ZNF835: variants seen among roughly 807,000 people sequenced by gnomAD.
ZNF835 encodes zinc finger protein 835.
For synonymous variants in ZNF835, 323 were observed against 324.7 expected, an observed-to-expected ratio of 0.99 and a Z score of 0.06; for missense variants, 783 against 758.4, an observed-to-expected ratio of 1.03 and a Z score of -0.38.
Position 56,662,472 on chromosome 19 carries a change from T to C in ZNF835, c.*1113A>G, listed in dbSNP as rs2045193517. 1 of 152,180 alleles carries C rather than the reference T, an allele frequency of 6.6e-6. No individual in the cohort carries two copies. The highest frequency in any genetic ancestry group is 2.4e-5 in the African/African-American group (1 of 41,452). The allele number at this position is 152,180 out of a possible 1,614,324, so 9.4% of individuals were successfully genotyped here. A position where few individuals can be genotyped will look rare whatever the true frequency, so the allele number is the denominator to read the frequency against. The stretch of plus-strand genomic sequence containing the variant: ...GTGGAGATGGGTAGGTGTTTCCTCA[T>C]ACTGAAAAAAAGACTAGGCCCACTC... On this transcript the variant is annotated 3_prime_UTR_variant, in exon 2 of 2. Coordinates refer to ENST00000537055, the MANE Select transcript of ZNF835 (RefSeq NM_001005850.3).
At chr19:56,669,505 ATC>A (rs1212523426) in intron 1 of ZNF835, among the ~76,000 whole-genome samples, 6 of 152,008 alleles carry the variant, frequency 3.9e-5, no homozygotes, top group Non-Finnish European at 8.8e-5. Context: ...CTAGGGGCCT[ATC>A]AGGAGTCCTC....
chr19:56,664,944 C>T lies in ZNF835; in HGVS notation c.255G>A (p.Ala85=), dbSNP rs540555421. ...GCCTCTCCTTCGGGCTCTCCCCAGG[C>T]GCGCTGCACCTCCGGGAACTGCTGT... ...PDDSSSRRCS[A]PGESPKERHP... Residue 85 remains alanine (A), a synonymous_variant, in exon 2 of 2, where the codon GCG becomes GCA. Transcript: ENST00000537055. 1.2e-6 allele frequency: 2 copies of T among 1,614,046 alleles called. No individual in the cohort carries two copies. The highest frequency in any genetic ancestry group is 2.2e-5 in the East Asian group (1 of 44,882).
chr19:56,664,794 C>T lies in ZNF835; in HGVS notation c.405G>A (p.Glu135=). 2.5e-6 allele frequency: 4 copies of T among 1,611,254 alleles called. No homozygotes were observed. Among genetic ancestry groups the T allele is most frequent in the Non-Finnish European group, 3.4e-6 (4 of 1,177,740 alleles). Residue 135 remains glutamate (E), a synonymous_variant, in exon 2 of 2, where the codon GAG becomes GAA. Coordinates refer to ENST00000537055, the MANE Select transcript of ZNF835 (RefSeq NM_001005850.3). ...FILHQRIHTG[E]KPFACPECGK... is the part of the protein sequence containing the mutation. ...CGCACTCGGGGCACGCAAATGGCTT[C>T]TCCCCGGTGTGGATTCTCTGGTGTA...
chr19:56,664,993 G>A lies in ZNF835; in HGVS notation c.206C>T (p.Ala69Val). 5 of 1,614,046 alleles carry A rather than the reference G, an allele frequency of 3.1e-6. No individual in the cohort carries two copies. Among genetic ancestry groups the A allele is most frequent in the Admixed American group, 1.7e-5 (1 of 60,034 alleles). Residue 69 changes from alanine (A) to valine (V), a missense_variant, in exon 2 of 2, where the codon GCT becomes GTT. By Grantham distance (64) the Ala-to-Val change is moderately conservative. Transcript: ENST00000537055. ...RIPRTISSPA[A>V]TQASVPDDSS... ...GTCGTCGGGGACACTGGCTTGGGTA[G>A]CAGCAGGGCTCGATATGGTTCTTGG...
rs2045205034 is a variant in ZNF835, at chr19:56,663,624, C to A, written c.1575G>T (p.Gly525=). The change falls in exon 2 of 2, where the codon GGG becomes GGT. Residue 525 remains glycine (G), a synonymous_variant. Transcript: ENST00000537055. ...GTCCACGCGGGTTTCTGCCAGGGCACCCCTGTTGACAGGTTTCTCCTCCCT... is the reference window on the plus strand; with the variant it reads ...GTCCACGCGGGTTTCTGCCAGGGCAACCCTGTTGACAGGTTTCTCCTCCCT... ...LSQGGETCQQ[G]CPGRNPRGPA... 1 of 1,614,044 alleles carries A rather than the reference C, an allele frequency of 6.2e-7. No homozygotes were observed. Among genetic ancestry groups the A allele is most frequent in the Non-Finnish European group, 8.5e-7 (1 of 1,179,902 alleles).
intron 1 of ZNF835, 80 bp from the exon 2 acceptor site, chr19:56,665,325 T>G: frequency 7.6e-7 from 1 of 1,315,134 alleles, no homozygotes; most frequent in Non-Finnish European, 1.1e-6. Flanking sequence ...GCTGAACTGG[T>G]AAGAACTTAG....
In ZNF835 at chr19:56,664,872, C is replaced by T. The variant is rs777689580; in HGVS notation, c.327G>A (p.Pro109=). The T allele has an allele frequency of 3.6e-5, 58 of 1,613,914 alleles. No individual in the cohort carries two copies. In the East Asian group the frequency reaches 1.2e-3, roughly 35 times the overall value. The change falls in exon 2 of 2, where the codon CCG becomes CCA. Residue 109 remains proline, a synonymous_variant. Transcript: ENST00000537055. Reference sequence around the variant, plus strand: ...CCTTCCCGCAGTCCCCGCATTTCCACGGCTTCTTGGGGCCTCCACCTCTCT... The same window carrying T: ...CCTTCCCGCAGTCCCCGCATTTCCATGGCTTCTTGGGGCCTCCACCTCTCT... The part of the protein sequence containing the change: ...QRERGGGPKK[P]WKCGDCGKAF...
intron 1 of ZNF835, among the ~76,000 whole-genome samples, chr19:56,666,827 T>C (rs558220733): frequency 6.6e-6 from 1 of 152,296 alleles, no homozygotes; most frequent in South Asian, 2.1e-4. Context: ...CCTCTCTGCG[T>C]GTGAGGACAC....
At chr19:56,670,137 G>A (rs923668981) in intron 1 of ZNF835, among the ~76,000 whole-genome samples, 5 of 150,646 alleles carry the variant, frequency 3.3e-5, no homozygotes, top group Non-Finnish European at 5.9e-5. Flanking sequence ...AAATGTACTT[G>A]GGGGCCTATC....
At position 56,664,518 on chromosome 19, in the gene ZNF835, G is replaced by T; in HGVS notation, c.681C>A (p.Cys227Ter). The change falls in exon 2 of 2, where the codon TGC becomes TGA. Residue 227 changes from cysteine to a stop codon, truncating the protein, a stop_gained. Transcript: ENST00000537055. LOFTEE classifies it low-confidence loss of function (END_TRUNC). ...ACGAGCGGTTGCGGAACGCCTTGGC[G>T]CACTGGGCGCACGCGTAGGGCCGCT... ...TGERPYACAQ[C>*]AKAFRNRSSL... 3 of 1,611,320 alleles carry T rather than the reference G, an allele frequency of 1.9e-6. No homozygotes were observed. The highest frequency in any genetic ancestry group is 1.7e-6 in the Non-Finnish European group (2 of 1,178,712).
At position 56,664,190 on chromosome 19, in the gene ZNF835, C is replaced by G. The variant is rs376862106; in HGVS notation, c.1009G>C (p.Gly337Arg). 1.9e-6 allele frequency: 3 copies of G among 1,602,202 alleles called. No individual in the cohort carries two copies. Among genetic ancestry groups the G allele is most frequent in the Non-Finnish European group, 2.6e-6 (3 of 1,172,160 alleles). The change falls in exon 2 of 2, where the codon GGC becomes CGC. Residue 337 changes from glycine (G) to arginine (R), a missense_variant. By Grantham distance (125) the Gly-to-Arg change is moderately radical (BLOSUM62 -2). Transcript: ENST00000537055. Reference sequence around the variant, plus strand: ...TGGGTGAAGGCCTTGGCGCACTGGCCGCACGCGTAGGGCTTCTCGCCTGTG... The same window carrying G: ...TGGGTGAAGGCCTTGGCGCACTGGCGGCACGCGTAGGGCTTCTCGCCTGTG... ...IHTGEKPYAC[G>R]QCAKAFTQVS...
At chr19:56,667,974 C>CT (rs767163861) in intron 1 of ZNF835, among the ~76,000 whole-genome samples, 7 of 152,190 alleles carry the variant, frequency 4.6e-5, no homozygotes, top group Non-Finnish European at 8.8e-5. Context: ...TTCTTTCTTT[C>CT]TTTTTTTGTT....
At chr19:56,666,229 C>T (rs937908099) in intron 1 of ZNF835, among the ~76,000 whole-genome samples, 9 of 152,162 alleles carry the variant, frequency 5.9e-5, no homozygotes, top group Non-Finnish European at 1.2e-4. Context: ...GCCTCAGCCT[C>T]CTGAGTAGTT....
Position 56,663,641 on chromosome 19 carries a change from C to T in ZNF835, c.1558G>A (p.Glu520Lys), listed in dbSNP as rs1157874346. 1 of 1,614,062 alleles carries T rather than the reference C, an allele frequency of 6.2e-7. No homozygotes were observed. Among genetic ancestry groups the T allele is most frequent in the Non-Finnish European group, 8.5e-7 (1 of 1,179,898 alleles). The change falls in exon 2 of 2, where the codon GAA (glutamate) becomes AAA (lysine). Residue 520 changes from glutamate (E) to lysine (K), a missense_variant. Coordinates refer to ENST00000537055, the MANE Select transcript of ZNF835 (RefSeq NM_001005850.3). The stretch of plus-strand genomic sequence containing the variant: ...CCAGGGCACCCCTGTTGACAGGTTT[C>T]TCCTCCCTGTGAGAGCCCAGGTGTT... Reference protein sequence around the residue: ...DSTPGLSQGGETCQQGCPGRN... With the variant: ...DSTPGLSQGGKTCQQGCPGRN...
chr19:56,663,818 G>C lies in ZNF835; in HGVS notation c.1381C>G (p.Leu461Val), dbSNP rs998060054. 3 of 1,614,052 alleles carry C rather than the reference G, an allele frequency of 1.9e-6. No individual in the cohort carries two copies. The highest frequency in any genetic ancestry group is 2.5e-6 in the Non-Finnish European group (3 of 1,180,000). The change falls in exon 2 of 2, where the codon CTG becomes GTG. Residue 461 changes from leucine to valine, a missense_variant. Physicochemically the swap from Leu to Val is conservative, Grantham distance 32 (BLOSUM62 1). Transcript: ENST00000537055. ...CGKAFSNRSY[L>V]IQHHIVHTGE... Reference sequence around the variant, plus strand: ...GTGTGCACGATGTGGTGCTGGATCAGGTAGGAGCGGTTGCTGAAGGCCTTG... The same window carrying C: ...GTGTGCACGATGTGGTGCTGGATCACGTAGGAGCGGTTGCTGAAGGCCTTG...
At chr19:56,668,849 C>T (rs2045266909) in intron 1 of ZNF835, among the ~76,000 whole-genome samples, 1 of 152,032 alleles carries the variant, frequency 6.6e-6, no homozygotes, top group South Asian at 2.1e-4. Flanking sequence ...TGGGTCGGCT[C>T]AGGTGCCACG....
Position 56,662,843 on chromosome 19 carries a change from G to C in ZNF835, c.*742C>G, listed in dbSNP as rs1369983341. ...AGTTCGAGACAGCCTGGCCAACATG[G>C]TGAAACCCTGCCTCTACTAAAAATA... On this transcript the variant is annotated 3_prime_UTR_variant, in exon 2 of 2. Transcript: ENST00000537055. The C allele has an allele frequency of 6.6e-6, 1 of 152,184 alleles. No individual in the cohort carries two copies. The highest frequency in any genetic ancestry group is 1.5e-5 in the Non-Finnish European group (1 of 68,096). The allele number at this position is 152,184 out of a possible 1,614,324, so 9.4% of individuals were successfully genotyped here. A position where few individuals can be genotyped will look rare whatever the true frequency, so the allele number is the denominator to read the frequency against.
intron 1 of ZNF835, 111 bp from the exon 2 acceptor site, chr19:56,665,356 G>A: frequency 1.0e-6 from 1 of 989,602 alleles, no homozygotes; most frequent in Non-Finnish European, 1.6e-6. Context: ...CTGGACCTCT[G>A]TGCCAATGAC....
Position 56,665,071 on chromosome 19 carries a change from T to C in ZNF835, c.128A>G (p.Lys43Arg), listed in dbSNP as rs745419421. The change falls in exon 2 of 2, where the codon AAG (lysine) becomes AGG (arginine). Residue 43 changes from lysine to arginine, a missense_variant. Lys to Arg is a conservative substitution (Grantham distance 26, BLOSUM62 2). Coordinates refer to ENST00000537055, the MANE Select transcript of ZNF835 (RefSeq NM_001005850.3). ...SCPEPEAVAC[K>R]GDPAGDSMQE... ...CATGCTGTCCCCAGCAGGGTCTCCC[T>C]TGCAGGCCACGGCCTCTGGCTCTGG... 3.2e-5 allele frequency: 51 copies of C among 1,613,874 alleles called. No individual in the cohort carries two copies. Among genetic ancestry groups the C allele is most frequent in the Non-Finnish European group, 3.8e-5 (45 of 1,179,890 alleles).
Sources: allele counts gnomAD v4.1 joint callset (sites outside exome capture counted in the v4.1 genomes callset), GRCh38; gene constraint gnomAD v4.1.1; transcripts MANE v1.5; gene names NCBI Gene and HGNC (gene_info 2026-07-23, HGNC 2026-07-21).